Variants in ITGA9 observed in about 807,000 individuals in gnomAD.
ITGA9 encodes integrin subunit alpha 9.
ITGA9 carries 56 observed loss-of-function variants against 127.8 expected under a neutral mutation model. The ratio of observed to expected loss-of-function variants is 0.44; its 90% CI spans 0.35 to 0.55. The LOEUF (loss-of-function observed/expected upper bound fraction) is 0.55, where lower values mean the gene tolerates loss of function less well. ITGA9 is among the 20% of genes least tolerant of loss of function. The pLI is 0.00. For synonymous variants in ITGA9, 508 were observed against 514.5 expected (o/e 0.99, Z 0.17); for missense variants, 1,196 against 1,347.1 (o/e 0.89, Z 1.76).
intron 25 of ITGA9, among the ~76,000 whole-genome samples, chr3:37,783,650 A>G (rs895498183): frequency 7.9e-5 from 12 of 152,144 alleles, no homozygotes; most frequent in Non-Finnish European, 1.5e-4. Context: ...GATTATTATT[A>G]TTATTCAAGA....
chr3:37,506,752 T>C (rs1230188901), intron 7 of ITGA9, among the ~76,000 whole-genome samples: 1 of 152,162 alleles, frequency 6.6e-6, no homozygotes, highest in Non-Finnish European at 1.5e-5. Flanking sequence ...CCAGATTGAG[T>C]AGGTACAGAT....
chr3:37,578,135 C>T (rs956146974), intron 15 of ITGA9, among the ~76,000 whole-genome samples: 1 of 152,096 alleles, frequency 6.6e-6, no homozygotes, highest in African/African-American at 2.4e-5. Context: ...TTGAGAGGTA[C>T]AAGAAATGTT....
intron 16 of ITGA9, among the ~76,000 whole-genome samples, chr3:37,637,603 TG>T (rs1330652262): frequency 6.6e-6 from 1 of 152,218 alleles, no homozygotes; most frequent in Non-Finnish European, 1.5e-5. Context: ...AGAAAATTCT[TG>T]GGCCCACCCC....
chr3:37,816,656 T>C lies in ITGA9; in HGVS notation c.3010-2235T>C, dbSNP rs561238252. 3.9e-5 allele frequency among the ~76,000 whole-genome samples: 6 copies of C among 152,288 alleles called. No homozygotes were observed. In the East Asian group the frequency reaches 1.2e-3, roughly 29 times the overall value. On this transcript the variant is annotated intron_variant, in intron 27 of 27. Coordinates refer to ENST00000264741, the MANE Select transcript of ITGA9 (RefSeq NM_002207.3). The stretch of plus-strand genomic sequence containing the variant: ...TCCAGAAAATTCTGGCCAAGCACCT[T>C]TTCTTGCAGAGGGGAGAAGGTGAAG...
At chr3:37,594,116 G>C (rs1559544577) in intron 15 of ITGA9, among the ~76,000 whole-genome samples, 1 of 152,230 alleles carries the variant, frequency 6.6e-6, no homozygotes, top group African/African-American at 2.4e-5. Context: ...GGGAGCCTGG[G>C]ATCGGAGTTC....
chr3:37,771,187 C>G (rs1054512622), intron 23 of ITGA9, among the ~76,000 whole-genome samples: 10 of 152,164 alleles, frequency 6.6e-5, no homozygotes, highest in African/African-American at 2.4e-4. Flanking sequence ...GGGGCGATGG[C>G]CACAGAGTCC....
intron 8 of ITGA9, among the ~76,000 whole-genome samples, chr3:37,508,948 C>T (rs769024605): frequency 3.9e-5 from 6 of 152,198 alleles, no homozygotes; most frequent in Non-Finnish European, 7.3e-5. Context: ...TCCATCCTTT[C>T]TCAACGAATC....
intron 15 of ITGA9, among the ~76,000 whole-genome samples, chr3:37,605,536 C>T (rs1699960085): frequency 6.6e-6 from 1 of 152,186 alleles, no homozygotes; most frequent in South Asian, 2.1e-4. Context: ...CAACTTTGGG[C>T]AGGTTTCCTA....
intron 2 of ITGA9, among the ~76,000 whole-genome samples, chr3:37,471,621 G>A (rs1698431929): frequency 6.6e-6 from 1 of 152,218 alleles, no homozygotes; most frequent in African/African-American, 2.4e-5. Flanking sequence ...AGGCAGGCTG[G>A]GGCCAGGCCA....
At chr3:37,686,637 T>C (rs1258980074) in intron 18 of ITGA9, among the ~76,000 whole-genome samples, 1 of 152,156 alleles carries the variant, frequency 6.6e-6, no homozygotes, top group Non-Finnish European at 1.5e-5. Context: ...CAAGGAACCC[T>C]AGGTTTCAGT....
chr3:37,511,834 C>G (rs190517401), intron 8 of ITGA9, among the ~76,000 whole-genome samples: 1 of 152,096 alleles, frequency 6.6e-6, no homozygotes, highest in African/African-American at 2.4e-5. Flanking sequence ...TGTCCTCTAC[C>G]TCTCTCCCTC....
intron 4 of ITGA9, among the ~76,000 whole-genome samples, chr3:37,493,104 A>T (rs190417016): frequency 3.5e-4 from 54 of 152,326 alleles, no homozygotes; most frequent in African/African-American, 1.3e-3. Context: ...TGCATGGAAG[A>T]GGAGTAACTC....
chr3:37,789,645 TG>T (rs1474408115), intron 26 of ITGA9, among the ~76,000 whole-genome samples: 1 of 150,154 alleles, frequency 6.7e-6, no homozygotes, highest in Non-Finnish European at 1.5e-5. Flanking sequence ...GGCGGGCGCC[TG>T]TAGTCCCAGC....
chr3:37,735,970 G>A (rs534103075), intron 19 of ITGA9, among the ~76,000 whole-genome samples: 2 of 152,284 alleles, frequency 1.3e-5, no homozygotes, highest in South Asian at 4.2e-4. Context: ...GAAGTTCAAG[G>A]TCATGGTCCC....
At chr3:37,576,585 C>T (rs929239877) in intron 15 of ITGA9, among the ~76,000 whole-genome samples, 4 of 152,112 alleles carry the variant, frequency 2.6e-5, no homozygotes, top group African/African-American at 9.7e-5. Flanking sequence ...GCTGTGCCTG[C>T]CACAGCCAAG....
intron 15 of ITGA9, among the ~76,000 whole-genome samples, chr3:37,559,285 CA>C (rs1699462743): frequency 6.6e-6 from 1 of 152,128 alleles, no homozygotes; most frequent in Non-Finnish European, 1.5e-5. Flanking sequence ...CACACACACA[CA>C]CACACACATA....
At chr3:37,711,179 C>T (rs1269704085) in intron 18 of ITGA9, among the ~76,000 whole-genome samples, 2 of 152,090 alleles carry the variant, frequency 1.3e-5, no homozygotes, top group East Asian at 1.9e-4. Context: ...GTGGTGGAAC[C>T]CTCGTCCTTC....
At chr3:37,658,645 C>T (rs1174859801) in intron 17 of ITGA9, among the ~76,000 whole-genome samples, 1 of 152,120 alleles carries the variant, frequency 6.6e-6, no homozygotes, top group East Asian at 1.9e-4. Context: ...ATCCAATTTG[C>T]CAGTCTGTGT....
intron 25 of ITGA9, among the ~76,000 whole-genome samples, chr3:37,780,832 C>G (rs935485903): frequency 2.0e-5 from 3 of 152,152 alleles, no homozygotes; most frequent in Non-Finnish European, 4.4e-5. Flanking sequence ...TCACCAACAT[C>G]TGTTGTTGTA....
Sources: allele counts gnomAD v4.1 joint callset (sites outside exome capture counted in the v4.1 genomes callset), GRCh38; gene constraint gnomAD v4.1.1; transcripts MANE v1.5; gene names NCBI Gene and HGNC (gene_info 2026-07-23, HGNC 2026-07-21).